Variants in ASIC2 observed in about 807,000 individuals in gnomAD.
ASIC2 encodes the protein acid sensing ion channel subunit 2.
A neutral mutation model predicts 57.3 loss-of-function variants in ASIC2; 25 were observed. The ratio of observed to expected loss-of-function variants is 0.44; its 90% confidence interval spans 0.32 to 0.61. The LOEUF is 0.61. Among genes scored for constraint, ASIC2 ranks in the 20% least tolerant of loss-of-function variants. ASIC2 has a pLI of 0.06. For synonymous variants in ASIC2, 319 were observed against 307.5 expected, an observed-to-expected ratio of 1.04 and a Z score of -0.39; for missense variants, 641 against 738.1, an observed-to-expected ratio of 0.87 and a Z score of 1.52.
rs146892794 is a variant in ASIC2, at chr17:33,492,966, A to G, written c.556-380899T>C. Among the ~76,000 whole-genome samples, 124 of 152,282 alleles carry G rather than the reference A, an allele frequency of 8.1e-4. 1 individual carries two copies. The highest frequency in any genetic ancestry group is 3.4e-3 in the Middle Eastern group (1 of 294). The stretch of plus-strand genomic sequence containing the variant: ...AGGTTTCCAGCCACAGGCAGCTGAA[A>G]TCTCTCCAGAACCTTGGTTCTTTTT... On this transcript the variant is annotated intron_variant, in intron 1 of 9. Transcript: ENST00000359872.
intron 1 of ASIC2, among the ~76,000 whole-genome samples, chr17:33,147,359 A>C (rs538100291): frequency 6.6e-6 from 1 of 152,340 alleles, no homozygotes; most frequent in South Asian, 2.1e-4. Context: ...ATGTCCAAAA[A>C]AGAGAAACAA....
chr17:33,383,041 A>AAACAAACAAACAAAC (rs1379738666), intron 1 of ASIC2, among the ~76,000 whole-genome samples: 1 of 151,872 alleles, frequency 6.6e-6, no homozygotes, highest in African/African-American at 2.4e-5. Context: ...ACAAACAAAC[A>AAACAAACAAACAAAC]AACAAACAAA....
At chr17:33,479,871 G>T (rs139203553) in intron 1 of ASIC2, among the ~76,000 whole-genome samples, 1 of 152,022 alleles carries the variant, frequency 6.6e-6, no homozygotes, top group Non-Finnish European at 1.5e-5. Flanking sequence ...GTGTGCTCCC[G>T]GAACCCTGGT....
intron 1 of ASIC2, among the ~76,000 whole-genome samples, chr17:33,985,187 G>C (rs955013057): frequency 6.6e-6 from 1 of 152,174 alleles, no homozygotes; most frequent in African/African-American, 2.4e-5. Flanking sequence ...CAGTCAGTCA[G>C]CTCCAGGAAC....
At chr17:33,658,895 C>T (rs1907160284) in intron 1 of ASIC2, among the ~76,000 whole-genome samples, 1 of 152,060 alleles carries the variant, frequency 6.6e-6, no homozygotes, top group Non-Finnish European at 1.5e-5. Flanking sequence ...CCTAGCTACT[C>T]GGGAGGCTGA....
chr17:33,704,529 T>C (rs994202761), intron 1 of ASIC2, among the ~76,000 whole-genome samples: 15 of 152,258 alleles, frequency 9.9e-5, no homozygotes, highest in African/African-American at 3.4e-4. Context: ...TTATAAAATA[T>C]ATTTTTTCTT....
At chr17:33,512,708 T>C (rs1195030731) in intron 1 of ASIC2, among the ~76,000 whole-genome samples, 1 of 152,184 alleles carries the variant, frequency 6.6e-6, no homozygotes, top group African/African-American at 2.4e-5. Context: ...GGTTTATCCT[T>C]CTAACTTGGC....
chr17:33,579,104 G>A (rs963798645), intron 1 of ASIC2, among the ~76,000 whole-genome samples: 4 of 147,682 alleles, frequency 2.7e-5, no homozygotes, highest in African/African-American at 1.1e-4. Context: ...GGCCAACATG[G>A]TGAAACCCCG....
intron 2 of ASIC2, among the ~76,000 whole-genome samples, chr17:33,101,056 GA>G (rs2092210293): frequency 6.6e-6 from 1 of 152,210 alleles, no homozygotes; most frequent in Non-Finnish European, 1.5e-5. Flanking sequence ...GGCCCACTCT[GA>G]GAGTGAGCCT....
chr17:33,051,521 G>A (rs2091976129), intron 3 of ASIC2, among the ~76,000 whole-genome samples: 1 of 152,076 alleles, frequency 6.6e-6, no homozygotes, highest in Admixed American at 6.5e-5. Flanking sequence ...TTACTCCCTG[G>A]CATCTTCTTG....
chr17:33,314,782 C>T (rs1181418217), intron 1 of ASIC2, among the ~76,000 whole-genome samples: 3 of 152,190 alleles, frequency 2.0e-5, no homozygotes, highest in African/African-American at 4.8e-5. Flanking sequence ...TATTTTTATG[C>T]TTTGAAAGCA....
At chr17:33,677,851 G>A (rs1378736922) in intron 1 of ASIC2, among the ~76,000 whole-genome samples, 6 of 152,180 alleles carry the variant, frequency 3.9e-5, no homozygotes, top group Non-Finnish European at 7.3e-5. Context: ...TACTATTGAC[G>A]TAACAAAGGA....
At chr17:33,371,631 C>A (rs1909065795) in intron 1 of ASIC2, among the ~76,000 whole-genome samples, 1 of 152,114 alleles carries the variant, frequency 6.6e-6, no homozygotes, top group African/African-American at 2.4e-5. Context: ...TCATCAGGGC[C>A]AGCAGAGGAA....
intron 1 of ASIC2, among the ~76,000 whole-genome samples, chr17:33,302,124 A>C (rs1353618): frequency 0.63 from 95,854 of 152,034 alleles, 30,503 homozygotes; most frequent in East Asian, 0.77. Flanking sequence ...TTGCTTTATT[A>C]TCAGTTTAGA....
At chr17:33,313,453 T>C (rs1329081980) in intron 1 of ASIC2, among the ~76,000 whole-genome samples, 1 of 152,222 alleles carries the variant, frequency 6.6e-6, no homozygotes, top group Non-Finnish European at 1.5e-5. Context: ...TCTTACCCTT[T>C]AAAGGAATTG....
At chr17:33,971,078 T>C (rs1452312362) in intron 1 of ASIC2, among the ~76,000 whole-genome samples, 1 of 152,194 alleles carries the variant, frequency 6.6e-6, no homozygotes, top group Admixed American at 6.5e-5. Flanking sequence ...CCCTCCAGGA[T>C]GCGTGTGCAA....
chr17:33,602,583 A>G (rs1905137782), intron 1 of ASIC2, among the ~76,000 whole-genome samples: 1 of 152,326 alleles, frequency 6.6e-6, no homozygotes, highest in South Asian at 2.1e-4. Flanking sequence ...TGGTACTGTT[A>G]TAGCAGCACA....
chr17:33,046,313 G>T (rs2091954577), intron 3 of ASIC2, among the ~76,000 whole-genome samples: 1 of 152,110 alleles, frequency 6.6e-6, no homozygotes, highest in Non-Finnish European at 1.5e-5. Flanking sequence ...TTTTTCAATG[G>T]GTGTATTTGA....
At chr17:33,442,029 C>T (rs76529525) in intron 1 of ASIC2, among the ~76,000 whole-genome samples, 1,785 of 152,182 alleles carry the variant, frequency 0.012, 51 homozygotes, top group East Asian at 0.094. Flanking sequence ...GTTGAACAAC[C>T]CATACTTCCC....
Sources: gnomAD v4.1 joint callset for allele counts (sites outside exome capture counted in the v4.1 genomes callset) on GRCh38, gnomAD v4.1.1 for gene constraint, MANE v1.5 for transcripts, NCBI Gene and HGNC (gene_info 2026-07-23, HGNC 2026-07-21) for gene names.